The following PPM1H variants were observed in gnomAD, a reference collection of about 807,000 sequenced individuals.
PPM1H encodes protein phosphatase 1H.
PPM1H carries 27 observed loss-of-function variants against 54.9 expected under a neutral mutation model. The ratio of observed to expected loss-of-function variants is 0.49; its 90% CI spans 0.36 to 0.68. The LOEUF (loss-of-function observed/expected upper bound fraction) is 0.68. Ranked by LOEUF, PPM1H falls within the 30% of genes least tolerant of loss-of-function variation. PPM1H has a pLI of 0.00. For synonymous variants in PPM1H, 305 were observed against 270.8 expected (o/e 1.13, Z -1.24); for missense variants, 596 against 667.8 (o/e 0.89, Z 1.19).
chr12:62,695,683 T>C lies in PPM1H; in HGVS notation c.1074-1684A>G, dbSNP rs188446477. ...TAGAAGAATTTGGGTTTTTTAAAGC[T>C]TTCCAGGTGATTCCAATGTGCAGCC... On this transcript the variant is annotated intron_variant, in intron 6 of 9. Transcript: ENST00000228705. Among the ~76,000 whole-genome samples, 465 of 152,282 alleles carry C rather than the reference T, an allele frequency of 3.1e-3. 2 individuals carry two copies. The highest frequency in any genetic ancestry group is 4.5e-3 in the Non-Finnish European group (307 of 68,030).
intron 8 of PPM1H, among the ~76,000 whole-genome samples, chr12:62,677,587 A>T (rs2075994999): frequency 6.6e-6 from 1 of 152,174 alleles, no homozygotes. Context: ...GGATGTGTGT[A>T]GTGGCCGAAC....
chr12:62,766,498 C>T (rs1258800260), intron 4 of PPM1H, among the ~76,000 whole-genome samples: 1 of 151,884 alleles, frequency 6.6e-6, no homozygotes, highest in Non-Finnish European at 1.5e-5. Context: ...TAACAGGCAA[C>T]ACAGATACAA....
At chr12:62,901,685 AG>A (rs1210614625) in intron 1 of PPM1H, among the ~76,000 whole-genome samples, 1 of 152,222 alleles carries the variant, frequency 6.6e-6, no homozygotes, top group East Asian at 1.9e-4. Context: ...TAACAGGTAA[AG>A]AAAATCCTTC....
chr12:62,810,472 T>C (rs937993742), intron 2 of PPM1H, among the ~76,000 whole-genome samples: 1 of 152,198 alleles, frequency 6.6e-6, no homozygotes, highest in African/African-American at 2.4e-5. Context: ...TCTCCCTCTC[T>C]CTCTCAATCC....
At chr12:62,801,737 G>A (rs1238534849) in intron 3 of PPM1H, 79 bp downstream of exon 3, 1 of 1,474,658 alleles carries the variant, frequency 6.8e-7, no homozygotes, top group South Asian at 1.2e-5. Context: ...CGCTTTCTGG[G>A]AGCCCTCCAG....
intron 5 of PPM1H, among the ~76,000 whole-genome samples, chr12:62,734,600 T>G (rs573285912): frequency 1.3e-5 from 2 of 152,374 alleles, no homozygotes; most frequent in South Asian, 4.1e-4. Flanking sequence ...ATTCCTATAC[T>G]TCCCCCAACC....
intron 4 of PPM1H, among the ~76,000 whole-genome samples, chr12:62,738,706 G>A (rs1297655994): frequency 1.3e-5 from 2 of 152,050 alleles, no homozygotes; most frequent in African/African-American, 2.4e-5. Flanking sequence ...AGGCATCAGG[G>A]AGCTAGAGAC....
chr12:62,864,740 G>A (rs1370904884), intron 1 of PPM1H, among the ~76,000 whole-genome samples: 1 of 152,126 alleles, frequency 6.6e-6, no homozygotes, highest in African/African-American at 2.4e-5. Context: ...TAGTGGAACA[G>A]ATTCACACAC....
chr12:62,644,250 C>T lies in PPM1H; in HGVS notation c.*4239G>A, dbSNP rs920010580. On this transcript the variant is annotated 3_prime_UTR_variant, in exon 10 of 10. Coordinates refer to ENST00000228705, the MANE Select transcript of PPM1H (RefSeq NM_020700.2). ...ACTAGGGTAGTTTTGGAAACCCAGA[C>T]CATGATCCATTCCTTACAAATGATC... 6.6e-6 allele frequency: 1 copy of T among 152,154 alleles called. No individual in the cohort carries two copies. Among genetic ancestry groups the T allele is most frequent in the Non-Finnish European group, 1.5e-5 (1 of 68,040 alleles). The allele number at this position is 152,154 out of a possible 1,614,324, so 9.4% of individuals were successfully genotyped here. A position where few individuals can be genotyped will look rare whatever the true frequency, so the allele number is the denominator to read the frequency against.
intron 2 of PPM1H, among the ~76,000 whole-genome samples, chr12:62,807,033 A>C (rs1207579588): frequency 6.6e-6 from 1 of 152,146 alleles, no homozygotes; most frequent in African/African-American, 2.4e-5. Context: ...GGGAGGGGAG[A>C]GAATCCCAAG....
At chr12:62,723,249 T>C (rs2076272943) in intron 5 of PPM1H, among the ~76,000 whole-genome samples, 1 of 151,798 alleles carries the variant, frequency 6.6e-6, no homozygotes, top group Non-Finnish European at 1.5e-5. Context: ...TCAAAATCAA[T>C]TTGAAGTATG....
At chr12:62,832,045 G>T in intron 2 of PPM1H, 69 bp downstream of exon 2, 1 of 1,536,946 alleles carries the variant, frequency 6.5e-7, no homozygotes, top group Non-Finnish European at 8.9e-7. Context: ...AAGCCCTAAT[G>T]TCTTCCAGTG....
chr12:62,816,639 T>A (rs1456393791), intron 2 of PPM1H, among the ~76,000 whole-genome samples: 3 of 152,130 alleles, frequency 2.0e-5, no homozygotes, highest in Non-Finnish European at 2.9e-5. Context: ...GGATAAGGGA[T>A]ACTTAGCCTA....
intron 4 of PPM1H, among the ~76,000 whole-genome samples, chr12:62,781,362 A>G (rs1178242989): frequency 6.6e-6 from 1 of 152,154 alleles, no homozygotes; most frequent in Non-Finnish European, 1.5e-5. Flanking sequence ...CAGGCTGCAG[A>G]GTGGAAGGGG....
intron 1 of PPM1H, among the ~76,000 whole-genome samples, chr12:62,868,555 A>T (rs1869865984): frequency 6.6e-6 from 1 of 152,168 alleles, no homozygotes; most frequent in Non-Finnish European, 1.5e-5. Flanking sequence ...TGAAACATTC[A>T]CTGTTTCTGT....
At chr12:62,705,642 C>A (rs540567873) in intron 6 of PPM1H, among the ~76,000 whole-genome samples, 2 of 152,326 alleles carry the variant, frequency 1.3e-5, no homozygotes, top group East Asian at 3.9e-4. Context: ...TCAGTATCCA[C>A]TTGGTGTGCA....
chr12:62,686,478 C>T (rs1350841552), intron 8 of PPM1H, among the ~76,000 whole-genome samples: 3 of 152,262 alleles, frequency 2.0e-5, no homozygotes, highest in East Asian at 3.9e-4. Context: ...GAAAAGTCCA[C>T]GAGTCCAGTT....
chr12:62,781,584 G>GT (rs2076642944), intron 4 of PPM1H, among the ~76,000 whole-genome samples: 4 of 152,226 alleles, frequency 2.6e-5, no homozygotes, highest in Non-Finnish European at 1.5e-5. Flanking sequence ...GTCACCTGTA[G>GT]GACTTGCTAA....
intron 4 of PPM1H, among the ~76,000 whole-genome samples, chr12:62,774,444 C>T (rs1459184096): frequency 3.3e-5 from 5 of 152,114 alleles, no homozygotes; most frequent in African/African-American, 9.7e-5. Flanking sequence ...TGGGCTCAAG[C>T]GATCCTCCCA....
Sources: allele counts gnomAD v4.1 joint callset (sites outside exome capture counted in the v4.1 genomes callset), GRCh38; gene constraint gnomAD v4.1.1; transcripts MANE v1.5; gene names NCBI Gene and HGNC (gene_info 2026-07-23, HGNC 2026-07-21).